The following AVEN variants were observed in gnomAD, a reference collection of about 807,000 sequenced individuals.
AVEN encodes the protein apoptosis and caspase activation inhibitor, also known as cell death regulator Aven.
A neutral mutation model predicts 38.1 loss-of-function variants in AVEN; 41 were observed. The observed-to-expected ratio is 1.08, with a 90% CI of 0.84 to 1.40. The LOEUF (loss-of-function observed/expected upper bound fraction) is 1.40. Among genes scored for constraint, AVEN ranks in the 40% most tolerant of loss-of-function variants. The pLI, the probability that AVEN is intolerant of heterozygous loss-of-function variation, is 0.00. For synonymous variants in AVEN, 206 were observed against 171.8 expected (o/e 1.20, Z -1.56); for missense variants, 605 against 438.8 (o/e 1.38, Z -3.38).
At chr15:33,940,974 G>A (rs571116872) in intron 2 of AVEN, among the ~76,000 whole-genome samples, 2 of 152,168 alleles carry the variant, frequency 1.3e-5, no homozygotes, top group Non-Finnish European at 2.9e-5. Context: ...TCTTTACAGA[G>A]TATTAGTTCT....
chr15:33,861,316 C>T (rs1358992769), downstream of AVEN: 2 of 584,652 alleles, frequency 3.4e-6, 1 homozygote, highest in Non-Finnish European at 6.1e-6. Context: ...GTACCTTTGT[C>T]CATAGACTCT....
At chr15:34,021,274 A>T (rs1331553753) in intron 1 of AVEN, among the ~76,000 whole-genome samples, 2 of 151,760 alleles carry the variant, frequency 1.3e-5, no homozygotes, top group African/African-American at 2.4e-5. Flanking sequence ...ACTCAGCTAA[A>T]AAATATTTTC....
intron 4 of AVEN, chr15:34,064,021 T>C: frequency 6.2e-7 from 1 of 1,614,122 alleles, no homozygotes; most frequent in Non-Finnish European, 8.5e-7. Flanking sequence ...GTGGTCCTAG[T>C]CAAAGAGAGG....
intron 1 of AVEN, among the ~76,000 whole-genome samples, chr15:34,020,138 C>T (rs548759375): frequency 6.6e-6 from 1 of 151,938 alleles, no homozygotes; most frequent in South Asian, 2.1e-4. Flanking sequence ...GGTGAAACCC[C>T]GTCTCTACTA....
At chr15:33,958,258 T>C (rs1457021119) in intron 2 of AVEN, among the ~76,000 whole-genome samples, 1 of 152,174 alleles carries the variant, frequency 6.6e-6, no homozygotes, top group Non-Finnish European at 1.5e-5. Flanking sequence ...AATTGCAAAA[T>C]AATTCACCTA....
At chr15:33,871,163 T>A (rs74008367) in intron 3 of AVEN, 133 bp from the exon 4 acceptor site, 1 of 479,610 alleles carries the variant, frequency 2.1e-6, no homozygotes, top group Non-Finnish European at 3.4e-6. Context: ...ATCACACTTA[T>A]GTGTTAGAGT....
At chr15:33,876,332 G>A (rs1891228994) in intron 2 of AVEN, among the ~76,000 whole-genome samples, 1 of 152,208 alleles carries the variant, frequency 6.6e-6, no homozygotes, top group Non-Finnish European at 1.5e-5. Context: ...AGCACTTTGG[G>A]AGGCTGAGGC....
At chr15:33,937,354 G>A (rs1894118342) in intron 2 of AVEN, among the ~76,000 whole-genome samples, 2 of 150,248 alleles carry the variant, frequency 1.3e-5, no homozygotes, top group Admixed American at 6.7e-5. Flanking sequence ...CTAACACGGT[G>A]AAACCCATCT....
intron 2 of AVEN, among the ~76,000 whole-genome samples, chr15:33,945,134 G>A (rs902376516): frequency 1.9e-4 from 29 of 152,218 alleles, no homozygotes; most frequent in Admixed American, 1.6e-3. Flanking sequence ...ACTTTCTAGT[G>A]GGTCTCTTTA....
intron 2 of AVEN, chr15:33,990,784 A>G (rs996806939): frequency 3.3e-5 from 5 of 152,240 alleles, no homozygotes; most frequent in Non-Finnish European, 7.3e-5. Flanking sequence ...ATTTGCCGTA[A>G]GACGAATTTT....
chr15:33,989,872 T>C (rs1158943371), intron 2 of AVEN, among the ~76,000 whole-genome samples: 1 of 150,062 alleles, frequency 6.7e-6, no homozygotes, highest in African/African-American at 2.5e-5. Flanking sequence ...GAAGAGACAA[T>C]AGCAATTGAG....
At chr15:34,008,626 C>T (rs2140653158) in intron 1 of AVEN, among the ~76,000 whole-genome samples, 1 of 150,102 alleles carries the variant, frequency 6.7e-6, no homozygotes, top group Non-Finnish European at 1.5e-5. Flanking sequence ...GTAGCTGGGA[C>T]CACAGGCGTG....
At chr15:33,993,116 C>T (rs918532227) in intron 2 of AVEN, among the ~76,000 whole-genome samples, 2 of 152,068 alleles carry the variant, frequency 1.3e-5, no homozygotes, top group African/African-American at 4.8e-5. Context: ...AAGGAACAGA[C>T]AATGCATATT....
chr15:33,930,250 A>G lies in AVEN; in HGVS notation c.446-54255T>C, dbSNP rs920173643. 9.9e-5 allele frequency among the ~76,000 whole-genome samples: 15 copies of G among 152,198 alleles called. No individual in the cohort carries two copies. The South Asian group carries it at 2.9e-3, about 29-fold the overall frequency. ...AACCATGTCCCAAGGAGATTTTATT[A>G]TGGACCTGATTTGGGATGACATCTT... On this transcript the variant is annotated intron_variant, in intron 2 of 5. Coordinates refer to ENST00000306730, the MANE Select transcript of AVEN (RefSeq NM_020371.3).
chr15:34,032,418 G>A (rs917176952), intron 1 of AVEN, among the ~76,000 whole-genome samples: 1 of 152,130 alleles, frequency 6.6e-6, no homozygotes, highest in Non-Finnish European at 1.5e-5. Context: ...ATCGATTTAT[G>A]AGCGAGCTAT....
intron 2 of AVEN, among the ~76,000 whole-genome samples, chr15:33,992,242 T>G (rs1896754007): frequency 6.6e-6 from 1 of 152,064 alleles, no homozygotes; most frequent in Non-Finnish European, 1.5e-5. Flanking sequence ...ACAAAACAGT[T>G]AGCTGGGCGT....
intron 2 of AVEN, among the ~76,000 whole-genome samples, chr15:33,946,408 C>T (rs985802487): frequency 1.3e-5 from 2 of 152,186 alleles, no homozygotes; most frequent in Non-Finnish European, 2.9e-5. Context: ...CTCCTTCCAA[C>T]ACCAGCAGAA....
chr15:33,932,834 C>CAAATAAGTAAAT (rs368767063), intron 2 of AVEN, among the ~76,000 whole-genome samples: 1 of 139,876 alleles, frequency 7.1e-6, no homozygotes, highest in Non-Finnish European at 1.5e-5. Flanking sequence ...ACAAAATAAA[C>CAAATAAGTAAAT]AAACAAATAA....
intron 5 of AVEN, among the ~76,000 whole-genome samples, chr15:34,054,419 G>T (rs1900052414): frequency 6.6e-6 from 1 of 152,108 alleles, no homozygotes; most frequent in Non-Finnish European, 1.5e-5. Flanking sequence ...CAAAGACATA[G>T]AATCAATCTA....
Sources: gnomAD v4.1 joint callset for allele counts (sites outside exome capture counted in the v4.1 genomes callset) on GRCh38, gnomAD v4.1.1 for gene constraint, MANE v1.5 for transcripts, NCBI Gene and HGNC (gene_info 2026-07-23, HGNC 2026-07-21) for gene names.